NELL1: variants seen among roughly 807,000 people sequenced by gnomAD.
NELL1 encodes neural EGFL like 1, also known as protein kinase C-binding protein NELL1.
Under a neutral mutation model 107.4 loss-of-function variants are expected in NELL1, and 76 were observed. The observed-to-expected ratio is 0.71, with a 90% CI of 0.59 to 0.86. The LOEUF (loss-of-function observed/expected upper bound fraction) is 0.86, where lower values mean the gene tolerates loss of function less well. Ranked by LOEUF, NELL1 falls within the 40% of genes least tolerant of loss-of-function variation. NELL1 has a pLI of 0.00. For missense variants in NELL1, 1,024 were observed against 1,005.5 expected (o/e 1.02, Z -0.25); for synonymous variants, 353 against 341.2 (o/e 1.03, Z -0.38).
intron 14 of NELL1, among the ~76,000 whole-genome samples, chr11:21,250,905 G>T (rs149648546): frequency 9.5e-4 from 144 of 152,244 alleles, no homozygotes; most frequent in Middle Eastern, 3.4e-3. Context: ...TTGACACTCT[G>T]GTTGGGAAGC....
Position 20,730,172 on chromosome 11 carries a change from G to T in NELL1, c.184+52112G>T, listed in dbSNP as rs993615789. 3.3e-5 allele frequency among the ~76,000 whole-genome samples: 5 copies of T among 152,144 alleles called. No homozygotes were observed. In the East Asian group the frequency reaches 9.6e-4, roughly 29 times the overall value. ...TCCAAGTTTGATTCCTGTCCTTTAA[G>T]ATATGAAAGTATAGTTGGAAAATAA... On this transcript the variant is annotated intron_variant, in intron 2 of 19. Transcript: ENST00000357134.
At chr11:21,304,912 A>G (rs549850194) in intron 14 of NELL1, among the ~76,000 whole-genome samples, 25 of 152,140 alleles carry the variant, frequency 1.6e-4, no homozygotes, top group African/African-American at 6.0e-4. Flanking sequence ...AGGATAGAAA[A>G]TATGATGTAA....
chr11:20,972,618 A>G (rs1437353125), intron 12 of NELL1, among the ~76,000 whole-genome samples: 1 of 152,212 alleles, frequency 6.6e-6, no homozygotes, highest in Non-Finnish European at 1.5e-5. Flanking sequence ...CCAAAAAGCA[A>G]AAGAGCATTT....
At chr11:21,020,563 T>C (rs1294787186) in intron 12 of NELL1, among the ~76,000 whole-genome samples, 1 of 152,024 alleles carries the variant, frequency 6.6e-6, no homozygotes, top group Non-Finnish European at 1.5e-5. Context: ...TCAGGAAAAG[T>C]TGAAAGTAGA....
chr11:20,911,707 C>A (rs1038472675), intron 5 of NELL1, among the ~76,000 whole-genome samples: 1 of 152,162 alleles, frequency 6.6e-6, no homozygotes, highest in African/African-American at 2.4e-5. Context: ...GAGAGCAAGG[C>A]GGTTCTTCTT....
At chr11:21,243,985 G>A (rs1858428138) in intron 14 of NELL1, among the ~76,000 whole-genome samples, 1 of 152,062 alleles carries the variant, frequency 6.6e-6, no homozygotes, top group African/African-American at 2.4e-5. Context: ...CTGGCTTTTG[G>A]TGGGATGCAA....
chr11:21,113,494 A>G (rs550900903), intron 12 of NELL1, 95 bp from the exon 13 acceptor site: 45 of 1,280,762 alleles, frequency 3.5e-5, no homozygotes, highest in Non-Finnish European at 4.5e-5. Flanking sequence ...CTTGGCTTCT[A>G]TGGACATTTA....
chr11:21,017,175 A>G (rs34978377), intron 12 of NELL1, among the ~76,000 whole-genome samples: 6,113 of 152,180 alleles, frequency 0.04, 182 homozygotes, highest in Middle Eastern at 0.13. Flanking sequence ...GGGCACTGGC[A>G]CAAATGTTGG....
chr11:21,079,090 A>G (rs1341211293), intron 12 of NELL1, among the ~76,000 whole-genome samples: 1 of 151,940 alleles, frequency 6.6e-6, no homozygotes, highest in Non-Finnish European at 1.5e-5. Context: ...TCTGAACAGA[A>G]AGAATGCAGT....
At chr11:21,550,034 G>A (rs1223268696) in intron 16 of NELL1, among the ~76,000 whole-genome samples, 2 of 151,770 alleles carry the variant, frequency 1.3e-5, no homozygotes, top group Admixed American at 1.3e-4. Context: ...GTGGCACTTA[G>A]GGAAGTTAGA....
chr11:21,448,219 T>C (rs1001799581), intron 15 of NELL1, among the ~76,000 whole-genome samples: 1 of 152,104 alleles, frequency 6.6e-6, no homozygotes, highest in African/African-American at 2.4e-5. Flanking sequence ...GTGTGGGTAG[T>C]TGTCAAATTT....
intron 15 of NELL1, among the ~76,000 whole-genome samples, chr11:21,530,724 C>A (rs763199179): frequency 6.6e-6 from 1 of 151,964 alleles, no homozygotes; most frequent in African/African-American, 2.4e-5. Flanking sequence ...TACATAATGT[C>A]TTTTAGAGGA....
In NELL1 at chr11:20,868,490, T is replaced by G. The variant is rs142335045; in HGVS notation, c.507-16954T>G. 7.7e-4 allele frequency among the ~76,000 whole-genome samples: 118 copies of G among 152,340 alleles called. No individual in the cohort carries two copies. The East Asian group carries it at 0.022, about 29-fold the overall frequency. On this transcript the variant is annotated intron_variant, in intron 4 of 19. Transcript: ENST00000357134. ...TGATAATTGCATAACATTGTGAATG[T>G]AATTAATGTTACTGAATTGTACAAT...
intron 17 of NELL1, among the ~76,000 whole-genome samples, chr11:21,564,430 G>T (rs1856923120): frequency 6.6e-6 from 1 of 151,906 alleles, no homozygotes; most frequent in Admixed American, 6.6e-5. Flanking sequence ...ATTTTCTCAG[G>T]TGAACAGGAT....
intron 2 of NELL1, among the ~76,000 whole-genome samples, chr11:20,713,330 G>A (rs1183163008): frequency 6.6e-6 from 1 of 152,146 alleles, no homozygotes; most frequent in African/African-American, 2.4e-5. Context: ...CTTGGGTGGG[G>A]CTTGCTGCAG....
intron 14 of NELL1, among the ~76,000 whole-genome samples, chr11:21,356,105 C>G (rs1046662404): frequency 6.6e-6 from 1 of 152,176 alleles, no homozygotes; most frequent in Non-Finnish European, 1.5e-5. Flanking sequence ...TGCTTTTTCT[C>G]CTATCACTTG....
At chr11:20,817,318 TG>T (rs903696779) in intron 3 of NELL1, among the ~76,000 whole-genome samples, 2 of 152,122 alleles carry the variant, frequency 1.3e-5, no homozygotes, top group African/African-American at 4.8e-5. Flanking sequence ...TTTCAGATCT[TG>T]ATGTTGGTCT....
At chr11:20,928,564 T>A in intron 9 of NELL1, 85 bp downstream of exon 9, 1 of 1,036,688 alleles carries the variant, frequency 9.6e-7, no homozygotes, top group East Asian at 2.5e-5. Flanking sequence ...ACTCAACTGA[T>A]TGACATTGAT....
intron 2 of NELL1, among the ~76,000 whole-genome samples, chr11:20,737,409 A>T (rs1855787233): frequency 6.6e-6 from 1 of 152,172 alleles, no homozygotes; most frequent in South Asian, 2.1e-4. Context: ...ATTTAATTAT[A>T]AAAAAGCAAC....
Sources: allele counts gnomAD v4.1 joint callset (sites outside exome capture counted in the v4.1 genomes callset), GRCh38; gene constraint gnomAD v4.1.1; transcripts MANE v1.5; gene names NCBI Gene and HGNC (gene_info 2026-07-23, HGNC 2026-07-21).